ASIC5: variants seen among roughly 807,000 people sequenced by gnomAD.
ASIC5 encodes acid sensing ion channel subunit family member 5, also known as bile acid-sensitive ion channel.
ASIC5 carries 52 observed loss-of-function variants against 51.2 expected under a neutral mutation model. The observed-to-expected ratio is 1.02, with a 90% CI of 0.81 to 1.28. The LOEUF is 1.28. ASIC5 is among the 50% of genes most tolerant of loss of function. ASIC5 has a pLI of 0.00. For missense variants in ASIC5, 635 were observed against 595.0 expected, an observed-to-expected ratio of 1.07 and a Z score of -0.70; for synonymous variants, 231 against 200.7, an observed-to-expected ratio of 1.15 and a Z score of -1.28.
At chr4:155,865,592 A>G (rs530537569) in intron 1 of ASIC5, among the ~76,000 whole-genome samples, 2 of 152,270 alleles carry the variant, frequency 1.3e-5, no homozygotes, top group East Asian at 3.9e-4. Context: ...TTGCCTGTCA[A>G]AAATCAGCCC....
chr4:155,832,617 C>T (rs893096590), intron 8 of ASIC5, among the ~76,000 whole-genome samples: 3 of 152,134 alleles, frequency 2.0e-5, no homozygotes, highest in Non-Finnish European at 4.4e-5. Flanking sequence ...TCAGTTCATT[C>T]TTATATTTCT....
chr4:155,860,158 C>A (rs1014915489), intron 2 of ASIC5, among the ~76,000 whole-genome samples: 28 of 151,830 alleles, frequency 1.8e-4, no homozygotes, highest in African/African-American at 6.8e-4. Context: ...GTATTTTAGT[C>A]AATAAAGCAG....
rs78430718 is a variant in ASIC5, at chr4:155,846,856, T to TA, written c.712-3027dup. Among the ~76,000 whole-genome samples, 8 of 151,880 alleles carry TA rather than the reference T, an allele frequency of 5.3e-5. No homozygotes were observed. The East Asian group carries it at 1.2e-3, about 22-fold the overall frequency. Reference sequence around the variant, plus strand: ...ATATATTATAGAAAAACATTCTTGCTAAAAAAAAGTGTGTCCTTTATAAAA... The same window carrying TA: ...ATATATTATAGAAAAACATTCTTGCTAAAAAAAAAGTGTGTCCTTTATAAAA... On this transcript the variant is annotated intron_variant, in intron 4 of 9. Coordinates refer to ENST00000537611, the MANE Select transcript of ASIC5 (RefSeq NM_017419.3).
intron 2 of ASIC5, among the ~76,000 whole-genome samples, chr4:155,855,037 G>A (rs1294312525): frequency 6.6e-6 from 1 of 152,006 alleles, no homozygotes; most frequent in Non-Finnish European, 1.5e-5. Context: ...ACAAAGAACA[G>A]GCGAAAGACT....
intron 4 of ASIC5, among the ~76,000 whole-genome samples, chr4:155,847,289 C>G (rs1238740394): frequency 6.6e-6 from 1 of 152,028 alleles, no homozygotes; most frequent in African/African-American, 2.4e-5. Flanking sequence ...CCTGTATGTG[C>G]TTTTAAAGTC....
At chr4:155,834,950 G>C (rs888264916) in intron 8 of ASIC5, among the ~76,000 whole-genome samples, 17 of 152,012 alleles carry the variant, frequency 1.1e-4, no homozygotes, top group African/African-American at 3.4e-4. Context: ...CTGACTCCAC[G>C]CAAAGATCAC....
At chr4:155,850,393 C>T (rs1741354289) in intron 4 of ASIC5, among the ~76,000 whole-genome samples, 1 of 152,126 alleles carries the variant, frequency 6.6e-6, no homozygotes, top group East Asian at 1.9e-4. Flanking sequence ...TGTCTCATGT[C>T]TTCCTAAAAT....
chr4:155,862,262 A>G (rs1304579476), intron 2 of ASIC5, among the ~76,000 whole-genome samples: 1 of 152,062 alleles, frequency 6.6e-6, no homozygotes, highest in Non-Finnish European at 1.5e-5. Context: ...ACATATCTTG[A>G]GTTCTTGAAA....
chr4:155,836,882 A>T lies in ASIC5; in HGVS notation c.1067-25T>A, dbSNP rs779258940. ...TCTGAAATGAAAATCAGGACAGGGAATTCAGAGAAGAGAAATATTTCATCA... is the reference window on the plus strand; with the variant it reads ...TCTGAAATGAAAATCAGGACAGGGATTTCAGAGAAGAGAAATATTTCATCA... On this transcript the variant is annotated intron_variant, in intron 7 of 9. Transcript: ENST00000537611. The T allele has an allele frequency of 2.6e-6, 4 of 1,524,760 alleles. No individual in the cohort carries two copies. The Admixed American group carries it at 5.6e-5, about 21-fold the overall frequency. 94.5% of individuals were successfully genotyped at this position (1,524,760 alleles called of 1,614,324 possible).
chr4:155,829,952 T>C lies in ASIC5; in HGVS notation c.1422A>G (p.Ile474Met). Residue 474 changes from isoleucine (I) to methionine (M), a missense_variant, in exon 10 of 10, where the codon ATA (isoleucine) becomes ATG (methionine). Coordinates refer to ENST00000537611, the MANE Select transcript of ASIC5 (RefSeq NM_017419.3). Reference protein sequence around the residue: ...IEYLFTNFYWICIFFLLKISE... With the variant: ...IEYLFTNFYWMCIFFLLKISE... ...ATATCTTCAGCAAAAAGAAAATGCA[T>C]ATCCAGTAGAAATTGGTGAATAGAT... is the stretch of plus-strand genomic sequence containing the variant. The C allele has an allele frequency of 6.2e-7, 1 of 1,606,282 alleles. No homozygotes were observed.
intron 3 of ASIC5, among the ~76,000 whole-genome samples, chr4:155,853,524 G>GT (rs1320540417): frequency 6.7e-6 from 1 of 148,826 alleles, no homozygotes; most frequent in Non-Finnish European, 1.5e-5. Context: ...TTATGTATTT[G>GT]TTTTGTATTT....
intron 4 of ASIC5, among the ~76,000 whole-genome samples, chr4:155,844,264 C>T (rs1321540373): frequency 2.0e-5 from 3 of 151,942 alleles, no homozygotes; most frequent in Admixed American, 6.6e-5. Context: ...CCTGATCTTC[C>T]ATTGTTTTTC....
chr4:155,834,838 T>C (rs1230245506), intron 8 of ASIC5, among the ~76,000 whole-genome samples: 2 of 151,990 alleles, frequency 1.3e-5, no homozygotes, highest in South Asian at 2.1e-4. Context: ...AAACCAGTGA[T>C]GGCAAAATGA....
At chr4:155,862,019 G>A (rs961008163) in intron 2 of ASIC5, among the ~76,000 whole-genome samples, 1 of 152,052 alleles carries the variant, frequency 6.6e-6, no homozygotes, top group African/African-American at 2.4e-5. Context: ...TGCCTTTTAA[G>A]ATAAATATTT....
At chr4:155,841,396 G>A (rs955213780) in intron 6 of ASIC5, among the ~76,000 whole-genome samples, 3 of 152,074 alleles carry the variant, frequency 2.0e-5, no homozygotes, top group African/African-American at 7.2e-5. Context: ...CCTATAAGAT[G>A]GGATTATTAT....
At chr4:155,847,470 C>G (rs553101579) in intron 4 of ASIC5, among the ~76,000 whole-genome samples, 179 of 152,078 alleles carry the variant, frequency 1.2e-3, no homozygotes, top group African/African-American at 4.2e-3. Context: ...ACCTGTAATC[C>G]CAGCATTTTG....
At chr4:155,849,723 T>G in intron 4 of ASIC5, among the ~76,000 whole-genome samples, 1 of 152,134 alleles carries the variant, frequency 6.6e-6, no homozygotes, top group South Asian at 2.1e-4. Context: ...TTCTTTTTTT[T>G]CCCCCATATT....
intron 4 of ASIC5, among the ~76,000 whole-genome samples, chr4:155,844,303 T>TA (rs1208264170): frequency 6.6e-6 from 1 of 151,814 alleles, no homozygotes; most frequent in African/African-American, 2.4e-5. Context: ...CATTCGCTAT[T>TA]AAAAAAACAA....
intron 4 of ASIC5, among the ~76,000 whole-genome samples, chr4:155,851,716 G>C (rs1741385415): frequency 6.6e-6 from 1 of 151,776 alleles, no homozygotes; most frequent in Admixed American, 6.6e-5. Flanking sequence ...AGCTGGGCTT[G>C]GACAAAATCT....
Sources: gnomAD v4.1 joint callset for allele counts (sites outside exome capture counted in the v4.1 genomes callset) on GRCh38, gnomAD v4.1.1 for gene constraint, MANE v1.5 for transcripts, NCBI Gene and HGNC (gene_info 2026-07-23, HGNC 2026-07-21) for gene names.